The following RAI14 variants were observed in gnomAD, a reference collection of about 807,000 sequenced individuals.
RAI14 encodes the protein retinoic acid induced 14.
Under a neutral mutation model 115.4 loss-of-function variants are expected in RAI14, and 45 were observed. The ratio of observed to expected loss-of-function variants is 0.39; its 90% CI spans 0.31 to 0.50. The LOEUF is 0.50. RAI14 is among the 20% of genes least tolerant of loss of function. RAI14 has a pLI of 0.85. For missense variants in RAI14, 939 were observed against 1,131.2 expected, an observed-to-expected ratio of 0.83 and a Z score of 2.44; for synonymous variants, 371 against 415.4, an observed-to-expected ratio of 0.89 and a Z score of 1.30.
At chr5:34,812,142 GCTT>G in intron 9 of RAI14, 35 bp from the exon 10 acceptor site, 1 of 1,528,152 alleles carries the variant, frequency 6.5e-7, no homozygotes, top group African/African-American at 1.4e-5. Flanking sequence ...GAATCATTAT[GCTT>G]CTTATAGTTC....
chr5:34,753,663 C>T (rs1747449331), intron 2 of RAI14, among the ~76,000 whole-genome samples: 1 of 152,102 alleles, frequency 6.6e-6, no homozygotes, highest in African/African-American at 2.4e-5. Context: ...CACCTATAAT[C>T]CCAGCACTTT....
intron 3 of RAI14, among the ~76,000 whole-genome samples, chr5:34,788,235 GT>G (rs979035132): frequency 2.0e-5 from 3 of 151,884 alleles, no homozygotes; most frequent in Non-Finnish European, 4.4e-5. Context: ...TGATATTTTG[GT>G]TTGGATAGAT....
intron 3 of RAI14, among the ~76,000 whole-genome samples, chr5:34,778,604 A>G (rs889681007): frequency 1.3e-5 from 2 of 152,086 alleles, no homozygotes; most frequent in South Asian, 2.1e-4. Flanking sequence ...CCACAGCTCC[A>G]CTGCATTCTT....
At chr5:34,726,872 A>G (rs1466544445) in intron 2 of RAI14, among the ~76,000 whole-genome samples, 2 of 152,210 alleles carry the variant, frequency 1.3e-5, no homozygotes, top group African/African-American at 4.8e-5. Context: ...TTTCCTTTAT[A>G]AATTACCTAA....
At chr5:34,783,152 C>G (rs1751868173) in intron 3 of RAI14, among the ~76,000 whole-genome samples, 1 of 152,216 alleles carries the variant, frequency 6.6e-6, no homozygotes, top group African/African-American at 2.4e-5. Flanking sequence ...AAGGAATACT[C>G]AAGGCAGTGG....
At chr5:34,829,916 C>T (rs758070096) in intron 17 of RAI14, 119 bp downstream of exon 17, 12 of 847,626 alleles carry the variant, frequency 1.4e-5, no homozygotes, top group African/African-American at 3.5e-5. Context: ...ATCCTTTTCA[C>T]TGGAAAGCCT....
At chr5:34,688,407 CAT>C in intron 2 of RAI14, 1 of 630,252 alleles carries the variant, frequency 1.6e-6, no homozygotes, top group Non-Finnish European at 2.6e-6. Flanking sequence ...TCTAGACTTC[CAT>C]ATATATATGA....
In RAI14 at chr5:34,774,290, G is replaced by A. The variant is rs142241738; in HGVS notation, c.167+16692G>A. 3.3e-3 allele frequency among the ~76,000 whole-genome samples: 496 copies of A among 152,184 alleles called. 1 individual carries two copies. Among genetic ancestry groups the A allele is most frequent in the African/African-American group, 0.011 (466 of 41,528 alleles). ...GGAGGCTGAGGAAGGAGAATCTCTTGAACCCGAGAGGCAGAGGTTGCAGTG... is the reference window on the plus strand; with the variant it reads ...GGAGGCTGAGGAAGGAGAATCTCTTAAACCCGAGAGGCAGAGGTTGCAGTG... On this transcript the variant is annotated intron_variant, in intron 3 of 17. Coordinates refer to ENST00000265109, the MANE Select transcript of RAI14 (RefSeq NM_015577.3).
intron 2 of RAI14, among the ~76,000 whole-genome samples, chr5:34,720,838 A>G (rs904261808): frequency 1.3e-5 from 2 of 151,830 alleles, no homozygotes; most frequent in Non-Finnish European, 1.5e-5. Context: ...TTCACATGTA[A>G]AGTTCTGGCT....
At chr5:34,745,092 T>G (rs1015544016) in intron 2 of RAI14, among the ~76,000 whole-genome samples, 2 of 152,214 alleles carry the variant, frequency 1.3e-5, no homozygotes, top group Admixed American at 1.3e-4. Context: ...TTGATGATGT[T>G]TGCAAAGACC....
intron 1 of RAI14, among the ~76,000 whole-genome samples, chr5:34,672,534 T>A (rs773836444): frequency 2.0e-5 from 3 of 152,200 alleles, no homozygotes; most frequent in Non-Finnish European, 4.4e-5. Context: ...CAGGAGTTTG[T>A]CTTTATCAGG....
At chr5:34,795,294 ATAGACACT>A (rs1206451666) in intron 3 of RAI14, among the ~76,000 whole-genome samples, 1 of 152,212 alleles carries the variant, frequency 6.6e-6, no homozygotes, top group East Asian at 1.9e-4. Context: ...GCACCAGAGT[ATAGACACT>A]TGCCATCTAA....
rs751954162 is a variant in RAI14 at position 34,821,747 on chromosome 5, T to C, written c.1010T>C (p.Leu337Ser). 1 of 1,605,476 alleles carries C rather than the reference T, an allele frequency of 6.2e-7. No individual in the cohort carries two copies. The highest frequency in any genetic ancestry group is 1.1e-5 in the South Asian group (1 of 90,832). ...SDSTTGADSL[L>S]DISSEADQQD... ...CTTTCCCAAGGTGCTGATAGCTTAT[T>C]GGATATAAGTTCTGAAGCTGACCAA... Residue 337 changes from leucine to serine, a missense_variant, in exon 14 of 18, where the codon TTG (leucine) becomes TCG (serine). Coordinates refer to ENST00000265109, the MANE Select transcript of RAI14 (RefSeq NM_015577.3).
intron 2 of RAI14, among the ~76,000 whole-genome samples, chr5:34,735,517 A>G (rs1744754574): frequency 1.3e-5 from 2 of 152,224 alleles, no homozygotes; most frequent in Non-Finnish European, 2.9e-5. Flanking sequence ...CAACAACTGA[A>G]TGCACTAAAT....
chr5:34,755,148 T>C (rs868439211), intron 2 of RAI14, among the ~76,000 whole-genome samples: 1 of 152,190 alleles, frequency 6.6e-6, no homozygotes, highest in African/African-American at 2.4e-5. Context: ...CTGTGTTTCT[T>C]GGGGCTTGAT....
intron 1 of RAI14, chr5:34,685,762 G>A (rs2149881149): frequency 6.6e-6 from 1 of 152,200 alleles, no homozygotes; most frequent in Admixed American, 6.5e-5. Context: ...TTGAAGGGTG[G>A]CAACTACCTT....
chr5:34,778,605 C>T (rs1751197826), intron 3 of RAI14, among the ~76,000 whole-genome samples: 1 of 152,082 alleles, frequency 6.6e-6, no homozygotes, highest in South Asian at 2.1e-4. Flanking sequence ...CACAGCTCCA[C>T]TGCATTCTTG....
chr5:34,684,789 A>G (rs1363384270), intron 1 of RAI14: 1 of 152,180 alleles, frequency 6.6e-6, no homozygotes, highest in African/African-American at 2.4e-5. Context: ...AGTTTTGTTT[A>G]GAATAATTAG....
intron 2 of RAI14, among the ~76,000 whole-genome samples, chr5:34,728,153 G>A (rs559324088): frequency 1.5e-4 from 23 of 152,298 alleles, no homozygotes; most frequent in South Asian, 2.1e-4. Flanking sequence ...CTCCCATTTG[G>A]AAGGGCTATA....
Sources: gnomAD v4.1 joint callset for allele counts (sites outside exome capture counted in the v4.1 genomes callset) on GRCh38, gnomAD v4.1.1 for gene constraint, MANE v1.5 for transcripts, NCBI Gene and HGNC (gene_info 2026-07-23, HGNC 2026-07-21) for gene names.